Variants in E2F2 observed in about 807,000 individuals in gnomAD.
E2F2 encodes the protein E2F transcription factor 2, also known as transcription factor E2F2.
In E2F2, 22 loss-of-function variants were observed where a neutral mutation model predicts 42.2. The ratio of observed to expected loss-of-function variants is 0.52; its 90% CI spans 0.37 to 0.74. The LOEUF is 0.74. Ranked by LOEUF, E2F2 falls within the 30% of genes least tolerant of loss-of-function variation. The pLI is 0.00. For synonymous variants in E2F2, 248 were observed against 251.6 expected, an observed-to-expected ratio of 0.99 and a Z score of 0.13; for missense variants, 481 against 557.8, an observed-to-expected ratio of 0.86 and a Z score of 1.39.
chr1:23,523,434 GGTGTGA>G (rs1210798563), intron 2 of E2F2, among the ~76,000 whole-genome samples: 1 of 152,178 alleles, frequency 6.6e-6, no homozygotes, highest in Non-Finnish European at 1.5e-5. Flanking sequence ...TGGGATTATA[GGTGTGA>G]GCCACCACGC....
chr1:23,523,537 T>C (rs1643192806), intron 2 of E2F2, among the ~76,000 whole-genome samples: 1 of 152,138 alleles, frequency 6.6e-6, no homozygotes, highest in South Asian at 2.1e-4. Context: ...CTGGGCAGCC[T>C]CTGGATCTTA....
At chr1:23,522,997 C>G (rs1643181559) in intron 2 of E2F2, among the ~76,000 whole-genome samples, 4 of 152,136 alleles carry the variant, frequency 2.6e-5, no homozygotes, top group Admixed American at 2.0e-4. Flanking sequence ...TCTTGCCATT[C>G]CTGATCTAGC....
In E2F2 at chr1:23,507,287, G is replaced by A. The variant is rs1164712580; in HGVS notation, c.*2593C>T. The A allele has an allele frequency of 1.3e-5, 2 of 152,134 alleles. No homozygotes were observed. Among genetic ancestry groups the A allele is most frequent in the Non-Finnish European group, 2.9e-5 (2 of 68,076 alleles). The allele number at this position is 152,134 out of a possible 1,614,324, so 9.4% of individuals were successfully genotyped here. On this transcript the variant is annotated 3_prime_UTR_variant, in exon 7 of 7. Coordinates refer to ENST00000361729, the MANE Select transcript of E2F2 (RefSeq NM_004091.4). ...CATCTCAACACTTTGGGAGGCCGAG[G>A]TGGTGGATCACTTGAGGTCAGGAGT...
chr1:23,527,634 C>T (rs1031837702), intron 1 of E2F2, among the ~76,000 whole-genome samples: 2 of 152,208 alleles, frequency 1.3e-5, no homozygotes, highest in African/African-American at 2.4e-5. Flanking sequence ...CTCCTAAGCC[C>T]TAAGTCAGAT....
At chr1:23,520,422 C>T (rs1449829876) in intron 4 of E2F2, among the ~76,000 whole-genome samples, 1 of 152,096 alleles carries the variant, frequency 6.6e-6, no homozygotes, top group Non-Finnish European at 1.5e-5. Context: ...ATTTACTTGG[C>T]TTATTTTCAA....
chr1:23,524,286 T>C (rs538273396), intron 2 of E2F2, 97 bp downstream of exon 2: 4 of 973,228 alleles, frequency 4.1e-6, no homozygotes, highest in Non-Finnish European at 4.4e-6. Context: ...TTTTGTAAAC[T>C]GGAAAGTGAT....
chr1:23,510,019 G>A lies in E2F2; in HGVS notation c.1175C>T (p.Pro392Leu), dbSNP rs1222960869. 2.5e-6 allele frequency: 4 copies of A among 1,613,574 alleles called. No homozygotes were observed. Among genetic ancestry groups the A allele is most frequent in the Middle Eastern group, 1.7e-4 (1 of 6,052 alleles). ...LQQTEDQFLSPTLACSSPLIS... is the reference protein window; with the variant it reads ...LQQTEDQFLSLTLACSSPLIS... ...CAGAGGGGAGCTGCACGCCAGGGTC[G>A]GGGACAGGAACTGGTCCTCAGTCTG... The change falls in exon 7 of 7, where the codon CCG (proline) becomes CTG (leucine). Residue 392 changes from proline to leucine, a missense_variant. By Grantham distance (98) the Pro-to-Leu change is moderately conservative (BLOSUM62 -3). Transcript: ENST00000361729.
chr1:23,521,738 GCCCCGCC>G, intron 3 of E2F2, 92 bp downstream of exon 3: 1 of 1,536,664 alleles, frequency 6.5e-7, no homozygotes, highest in Non-Finnish European at 8.8e-7. Context: ...GTTGCTCTCA[GCCCCGCC>G]CCTGCCACTC....
At chr1:23,510,451 G>A (rs1642889223) in intron 6 of E2F2, among the ~76,000 whole-genome samples, 1 of 152,032 alleles carries the variant, frequency 6.6e-6, no homozygotes, top group Non-Finnish European at 1.5e-5. Flanking sequence ...TGAGCCTCCC[G>A]AGTAGCTGGA....
In E2F2 at chr1:23,525,274, C is replaced by T. The variant is rs188952926; in HGVS notation, c.253-786G>A. Among the ~76,000 whole-genome samples, 275 of 152,252 alleles carry T rather than the reference C, an allele frequency of 1.8e-3. 4 individuals carry two copies. The highest frequency in any genetic ancestry group is 7.0e-3 in the East Asian group (36 of 5,160). On this transcript the variant is annotated intron_variant, in intron 1 of 6. Coordinates refer to ENST00000361729, the MANE Select transcript of E2F2 (RefSeq NM_004091.4). ...AATCAAACCACAGACCCATCTGCTC[C>T]TCTCCACCCTGTTGCCACCCGGGCC...
intron 1 of E2F2, among the ~76,000 whole-genome samples, chr1:23,529,690 T>C (rs1281232911): frequency 2.0e-5 from 3 of 152,184 alleles, no homozygotes; most frequent in Non-Finnish European, 2.9e-5. Context: ...GTCCAAGACT[T>C]GTCCAAGGAC....
At chr1:23,519,268 A>G (rs559187125) in intron 4 of E2F2, 138 bp from the exon 5 acceptor site, 7 of 534,210 alleles carry the variant, frequency 1.3e-5, no homozygotes, top group East Asian at 3.1e-5. Flanking sequence ...AAATAATACA[A>G]TCTGTAACCT....
chr1:23,526,533 G>T (rs561623710), intron 1 of E2F2, among the ~76,000 whole-genome samples: 1 of 152,158 alleles, frequency 6.6e-6, no homozygotes, highest in Admixed American at 6.5e-5. Flanking sequence ...TGTCTCCCCC[G>T]CCAGAACAAA....
rs1380412398 is a variant in E2F2, at chr1:23,530,924, CG to C, written c.-132del. 1.6e-6 allele frequency: 2 copies of C among 1,213,014 alleles called. No individual in the cohort carries two copies. Among genetic ancestry groups the C allele is most frequent in the Non-Finnish European group, 2.2e-6 (2 of 913,914 alleles). 75.1% of individuals were successfully genotyped at this position (1,213,014 alleles called of 1,614,324 possible). On this transcript the variant is annotated 5_prime_UTR_variant, in exon 1 of 7. Transcript: ENST00000361729. The surrounding 1 kb of genome is among the most constrained non-coding windows in gnomAD (Gnocchi z 4.4). Reference sequence around the variant, plus strand: ...GGGGGAAGCCGCCAATGGACGCCTGCGGGGCAAGGCCGGACCCTCCCCTCCT... The same window carrying C: ...GGGGGAAGCCGCCAATGGACGCCTGCGGGCAAGGCCGGACCCTCCCCTCCT...
intron 6 of E2F2, 119 bp downstream of exon 6, chr1:23,516,216 G>GA: frequency 7.7e-7 from 1 of 1,303,942 alleles, no homozygotes; most frequent in Non-Finnish European, 1.0e-6. Flanking sequence ...TGTGGGGTAG[G>GA]ATGACTACAT....
chr1:23,516,462 C>T lies in E2F2; in HGVS notation c.918G>A (p.Glu306=). ...CGGAAGGACTGTCCGGCTCCTGCAC[C>T]TCCTCTGGGCACAGGTAGACTTCGA... is the stretch of plus-strand genomic sequence containing the variant. ...GPIEVYLCPE[E]VQEPDSPSEE... is the part of the protein sequence containing the mutation. The change falls in exon 6 of 7, where the codon GAG becomes GAA. Residue 306 remains glutamate, a synonymous_variant. Coordinates refer to ENST00000361729, the MANE Select transcript of E2F2 (RefSeq NM_004091.4). 1 of 1,609,964 alleles carries T rather than the reference C, an allele frequency of 6.2e-7. No homozygotes were observed. The highest frequency in any genetic ancestry group is 8.5e-7 in the Non-Finnish European group (1 of 1,178,254).
rs1203950642 is a variant in E2F2 at position 23,530,576 on chromosome 1, T to C, written c.218A>G (p.Gln73Arg). The change falls in exon 1 of 7, where the codon CAA becomes CGA. Residue 73 changes from glutamine to arginine, a missense_variant. Physicochemically the swap from Gln to Arg is conservative, Grantham distance 43. Transcript: ENST00000361729. The surrounding 1 kb of genome is among the most constrained non-coding windows in gnomAD (Gnocchi z 4.4). ...GCCTGCCGGCAGGCATCGCACAACTTGGCCCTCGGGTCCGTGGGGAGTGGC... is the reference window on the plus strand; with the variant it reads ...GCCTGCCGGCAGGCATCGCACAACTCGGCCCTCGGGTCCGTGGGGAGTGGC... ...LDATPHGPEG[Q>R]VVRCLPAGRL... The C allele has an allele frequency of 3.7e-6, 6 of 1,612,220 alleles. No homozygotes were observed. The highest frequency in any genetic ancestry group is 5.1e-6 in the Non-Finnish European group (6 of 1,179,574).
chr1:23,519,652 G>A (rs966037154), intron 4 of E2F2, among the ~76,000 whole-genome samples: 8 of 152,168 alleles, frequency 5.3e-5, no homozygotes, highest in African/African-American at 1.9e-4. Flanking sequence ...ATATTCGGCC[G>A]AACGCGGCGG....
intron 2 of E2F2, 40 bp downstream of exon 2, chr1:23,524,343 T>G: frequency 7.5e-7 from 1 of 1,337,670 alleles, no homozygotes. Flanking sequence ...CCTCTGCCCC[T>G]GCCCCACCCC....
Sources: allele counts gnomAD v4.1 joint callset (sites outside exome capture counted in the v4.1 genomes callset), GRCh38; gene constraint gnomAD v4.1.1; non-coding constraint Gnocchi (gnomAD v3.1); transcripts MANE v1.5; gene names NCBI Gene and HGNC (gene_info 2026-07-23, HGNC 2026-07-21).